Variants in COL12A1 observed in about 807,000 individuals in gnomAD.
COL12A1 encodes the protein collagen type XII alpha 1 chain, also known as collagen alpha-1(XII) chain.
In COL12A1, 114 loss-of-function variants were observed where a neutral mutation model predicts 349.7. The observed-to-expected ratio is 0.33, with a 90% CI of 0.28 to 0.38. The LOEUF (loss-of-function observed/expected upper bound fraction) is 0.38, where lower values mean the gene tolerates loss of function less well. COL12A1 is among the 10% of genes least tolerant of loss of function. The pLI, the probability that COL12A1 is intolerant of heterozygous loss-of-function variation, is 1.00. For missense variants in COL12A1, 3,284 were observed against 3,756.9 expected (o/e 0.87, Z 3.29); for synonymous variants, 1,369 against 1,329.0 (o/e 1.03, Z -0.66).
intron 13 of COL12A1, among the ~76,000 whole-genome samples, chr6:75,174,778 A>C (rs756138145): frequency 3.9e-5 from 6 of 152,120 alleles, no homozygotes; most frequent in Non-Finnish European, 8.8e-5. Flanking sequence ...CAACCCATGG[A>C]ACTATAAACA....
chr6:75,106,592 C>T lies in COL12A1; in HGVS notation c.8101-96G>A, dbSNP rs1414467678. On this transcript the variant is annotated intron_variant, in intron 52 of 65. Transcript: ENST00000322507. ...TAACATTGCCAACTTCTCACACATA[C>T]TCTCTCAAGGGTGTGAGCCATTGAG... 3.9e-6 allele frequency: 4 copies of T among 1,023,796 alleles called. No individual in the cohort carries two copies. In the African/African-American group the frequency reaches 4.8e-5, roughly 12 times the overall value. 63.4% of individuals were successfully genotyped at this position (1,023,796 alleles called of 1,614,324 possible). A position where few individuals can be genotyped will look rare whatever the true frequency, so the allele number is the denominator to read the frequency against.
intron 20 of COL12A1, 96 bp from the exon 21 acceptor site, chr6:75,151,383 T>A: frequency 8.6e-7 from 1 of 1,156,606 alleles, no homozygotes; most frequent in Non-Finnish European, 1.2e-6. Context: ...TCATGGCTGC[T>A]TTTGGCCAAC....
chr6:75,188,116 C>A (rs995291688), intron 8 of COL12A1, among the ~76,000 whole-genome samples: 2 of 152,088 alleles, frequency 1.3e-5, no homozygotes, highest in Non-Finnish European at 2.9e-5. Flanking sequence ...TAAATCATAA[C>A]TTGTCCCCCA....
Position 75,110,456 on chromosome 6 carries a change from T to C in COL12A1, c.7951-1289A>G, listed in dbSNP as rs993886702. 3.3e-5 allele frequency among the ~76,000 whole-genome samples: 5 copies of C among 152,182 alleles called. No homozygotes were observed. In the East Asian group the frequency reaches 9.6e-4, roughly 29 times the overall value. ...AACAAATGCATAGTTACATTTCAGATTGGGCCCTTCATCTGTAGATCATTG... is the reference window on the plus strand; with the variant it reads ...AACAAATGCATAGTTACATTTCAGACTGGGCCCTTCATCTGTAGATCATTG... On this transcript the variant is annotated intron_variant, in intron 51 of 65. Transcript: ENST00000322507.
chr6:75,183,818 C>A, intron 9 of COL12A1, 36 bp downstream of exon 9: 1 of 1,604,612 alleles, frequency 6.2e-7, no homozygotes, highest in South Asian at 1.1e-5. Context: ...CAGATCTTCA[C>A]ATATTCCAAA....
chr6:75,107,011 C>T lies in COL12A1; in HGVS notation c.8101-515G>A, dbSNP rs927101133. 2.1e-5 allele frequency among the ~76,000 whole-genome samples: 3 copies of T among 140,682 alleles called. No homozygotes were observed. The South Asian group carries it at 6.8e-4, about 32-fold the overall frequency. 92.3% of individuals were successfully genotyped at this position (140,682 alleles called of 152,430 possible). A position where few individuals can be genotyped will look rare whatever the true frequency, so the allele number is the denominator to read the frequency against. On this transcript the variant is annotated intron_variant, in intron 52 of 65. Coordinates refer to ENST00000322507, the MANE Select transcript of COL12A1 (RefSeq NM_004370.6). Reference sequence around the variant, plus strand: ...CTGCCTCCCAGGTTCAAATGCTTTTCGTGCCTCAGTCTCCCGAGTAGCTGG... The same window carrying T: ...CTGCCTCCCAGGTTCAAATGCTTTTTGTGCCTCAGTCTCCCGAGTAGCTGG...
intron 44 of COL12A1, among the ~76,000 whole-genome samples, chr6:75,119,869 T>C (rs1769269357): frequency 6.6e-6 from 1 of 152,164 alleles, no homozygotes; most frequent in Admixed American, 6.5e-5. Flanking sequence ...ACTGACTATA[T>C]CCGTTCTTTA....
intron 17 of COL12A1, 88 bp downstream of exon 17, chr6:75,154,325 CATT>C (rs1320416861): frequency 1.5e-6 from 2 of 1,340,454 alleles, no homozygotes; most frequent in Non-Finnish European, 2.0e-6. Context: ...AAATTTGTAT[CATT>C]GTTTTCCATT....
chr6:75,175,116 G>A lies in COL12A1; in HGVS notation c.2632C>T (p.Gln878Ter), dbSNP rs765303183. The change falls in exon 13 of 66, where the codon CAA (glutamine) becomes TAA (stop). Residue 878 changes from glutamine (Q) to a stop codon, truncating the protein, a stop_gained. Coordinates refer to ENST00000322507, the MANE Select transcript of COL12A1 (RefSeq NM_004370.6). LOFTEE classifies it high-confidence loss of function. ...TVLQGLKEGT[Q>*]YALSVTALYA... ...AAGGCTGTCACAGATAAGGCGTATT[G>A]TGTCCCTTCCTTCAATCCCTGCAGC... 6.2e-7 allele frequency: 1 copy of A among 1,614,144 alleles called. No homozygotes were observed. Among genetic ancestry groups the A allele is most frequent in the East Asian group, 2.2e-5 (1 of 44,874 alleles).
chr6:75,089,910 G>C (rs1238488035), intron 63 of COL12A1, among the ~76,000 whole-genome samples, 200 bp downstream of exon 63: 1 of 152,096 alleles, frequency 6.6e-6, no homozygotes, highest in Non-Finnish European at 1.5e-5. Context: ...TCTTTACTGA[G>C]ATCTGATAAA....
chr6:75,192,287 C>T lies in COL12A1; in HGVS notation c.259G>A (p.Glu87Lys). 1 of 1,611,434 alleles carries T rather than the reference C, an allele frequency of 6.2e-7. No individual in the cohort carries two copies. The highest frequency in any genetic ancestry group is 1.3e-5 in the African/African-American group (1 of 74,924). ...TETLLSELVP[E>K]TEYVVTITSY... is the part of the protein sequence containing the mutation. ...GTTATTGTCACCACATACTCTGTTT[C>T]AGGTACAAGTTCTGACAATAAAGTT... Residue 87 changes from glutamate to lysine, a missense_variant, in exon 4 of 66, where the codon GAA (glutamate) becomes AAA (lysine). Glu to Lys is a moderately conservative substitution (Grantham distance 56). Around this residue, in one of 2 missense-constraint regions of COL12A1, gnomAD observed 2,601 missense variants for 2,824.8 expected, o/e 0.92. Transcript: ENST00000322507.
At chr6:75,146,077 T>C (rs762075620) in intron 24 of COL12A1, 25 bp downstream of exon 24, 3 of 1,567,978 alleles carry the variant, frequency 1.9e-6, no homozygotes, top group South Asian at 2.4e-5. Context: ...GAAGACCCAA[T>C]GTTAAAGAAA....
rs562243182 is a variant in COL12A1 at position 75,097,190 on chromosome 6, T to G, written c.8577+63A>C. The stretch of plus-strand genomic sequence containing the variant: ...GGAATGTGCTTCAAAGGCAGGTTAC[T>G]AGCAAAATGAGGTGAGAGGGTGGGA... On this transcript the variant is annotated intron_variant, in intron 59 of 65. Coordinates refer to ENST00000322507, the MANE Select transcript of COL12A1 (RefSeq NM_004370.6). 4 of 1,413,418 alleles carry G rather than the reference T, an allele frequency of 2.8e-6. No individual in the cohort carries two copies. In the South Asian group the frequency reaches 4.7e-5, roughly 17 times the overall value. The allele number at this position is 1,413,418 out of a possible 1,614,324, so 87.6% of individuals were successfully genotyped here.
chr6:75,150,868 C>T (rs1582136952), intron 21 of COL12A1, among the ~76,000 whole-genome samples: 2 of 151,846 alleles, frequency 1.3e-5, no homozygotes, highest in Non-Finnish European at 2.9e-5. Flanking sequence ...GGTGCCATCA[C>T]GAGAAACAAA....
intron 35 of COL12A1, among the ~76,000 whole-genome samples, chr6:75,131,737 C>T (rs1423761299): frequency 6.6e-6 from 1 of 152,158 alleles, no homozygotes; most frequent in Non-Finnish European, 1.5e-5. Flanking sequence ...TTTAACTCAT[C>T]CAGCTAATTC....
In COL12A1 at chr6:75,123,365, G is replaced by C; in HGVS notation, c.6911C>G (p.Pro2304Arg). Residue 2304 changes from proline to arginine, a missense_variant, in exon 43 of 66, where the codon CCT (proline) becomes CGT (arginine). Physicochemically the swap from Pro to Arg is moderately radical, Grantham distance 103. Around this residue, in one of 2 missense-constraint regions of COL12A1, gnomAD observed 2,601 missense variants for 2,824.8 expected, o/e 0.92. Coordinates refer to ENST00000322507, the MANE Select transcript of COL12A1 (RefSeq NM_004370.6). ...TGGTGGAATGGTGGGAGGGGGAGGA[G>C]GTGTGGGTGGCTCTGTAGGGGCTTC... ...PTEAPTEPPT[P>R]PPPPTIPPAR... is the part of the protein sequence containing the mutation. 1 of 1,605,576 alleles carries C rather than the reference G, an allele frequency of 6.2e-7. No homozygotes were observed. Among genetic ancestry groups the C allele is most frequent in the African/African-American group, 1.3e-5 (1 of 74,852 alleles).
intron 51 of COL12A1, among the ~76,000 whole-genome samples, chr6:75,110,653 A>G (rs1768793683): frequency 6.6e-6 from 1 of 151,988 alleles, no homozygotes; most frequent in South Asian, 2.1e-4. Flanking sequence ...TCTTTCAACA[A>G]TAGAAGGGAG....
intron 10 of COL12A1, among the ~76,000 whole-genome samples, chr6:75,182,095 C>CAAAAAAAAAAAAAA (rs66532054): frequency 9.7e-6 from 1 of 103,054 alleles, no homozygotes; most frequent in Non-Finnish European, 2.1e-5. Context: ...GACCCTGTCT[C>CAAAAAAAAAAAAAA]AAAAAAAAAA....
At chr6:75,148,550 C>T (rs1767320046) in intron 21 of COL12A1, 53 bp from the exon 22 acceptor site, 5 of 1,488,008 alleles carry the variant, frequency 3.4e-6, no homozygotes, top group Middle Eastern at 1.7e-4. Context: ...AGAAAGGTGA[C>T]AATATTTGAA....
Sources: gnomAD v4.1 joint callset for allele counts (sites outside exome capture counted in the v4.1 genomes callset) on GRCh38, gnomAD v4.1.1 for gene constraint, gnomAD v4.1.1 regional missense constraint, MANE v1.5 for transcripts, NCBI Gene and HGNC (gene_info 2026-07-23, HGNC 2026-07-21) for gene names.